Variants in IGF1R observed in about 807,000 individuals in gnomAD.
IGF1R encodes the protein insulin like growth factor 1 receptor, also known as insulin-like growth factor 1 receptor.
In IGF1R, 44 loss-of-function variants were observed where a neutral mutation model predicts 144.6. The ratio of observed to expected loss-of-function variants is 0.30; its 90% confidence interval spans 0.24 to 0.39. The LOEUF is 0.39. Among genes scored for constraint, IGF1R ranks in the 10% least tolerant of loss-of-function variants. The pLI is 1.00. For synonymous variants in IGF1R, 795 were observed against 722.8 expected, an observed-to-expected ratio of 1.10 and a Z score of -1.60; for missense variants, 1,355 against 1,833.7, an observed-to-expected ratio of 0.74 and a Z score of 4.77.
At chr15:98,841,416 A>G (rs1280139335) in intron 2 of IGF1R, among the ~76,000 whole-genome samples, 2 of 152,218 alleles carry the variant, frequency 1.3e-5, no homozygotes, top group African/African-American at 4.8e-5. Context: ...TACTATACGT[A>G]AAGTTTTTAG....
In IGF1R at chr15:98,963,835, G is replaced by T. The variant is rs1236859887; in HGVS notation, c.*6393G>T. ...AAAACTATAACATACACAAAAATTGGTTTTAAAGTTGACTCCACTTCCTCT... is the reference window on the plus strand; with the variant it reads ...AAAACTATAACATACACAAAAATTGTTTTTAAAGTTGACTCCACTTCCTCT... On this transcript the variant is annotated 3_prime_UTR_variant, in exon 21 of 21. Transcript: ENST00000650285. The T allele has an allele frequency of 4.3e-6, 1 of 232,984 alleles. No homozygotes were observed. Among genetic ancestry groups the T allele is most frequent in the African/African-American group, 2.2e-5 (1 of 45,340 alleles). The allele number at this position is 232,984 out of a possible 1,614,324, so 14.4% of individuals were successfully genotyped here. A position where few individuals can be genotyped will look rare whatever the true frequency, so the allele number is the denominator to read the frequency against.
chr15:98,662,608 A>G (rs545943047), intron 1 of IGF1R, among the ~76,000 whole-genome samples: 11 of 152,204 alleles, frequency 7.2e-5, no homozygotes, highest in Admixed American at 2.6e-4. Flanking sequence ...TAGTTGGGAA[A>G]ACTCAACTAC....
In IGF1R at chr15:98,875,149, CG is replaced by C. The variant is rs199659167; in HGVS notation, c.641-16173del. Among the ~76,000 whole-genome samples, 1,404 of 151,962 alleles carry C rather than the reference CG, an allele frequency of 9.2e-3. 37 individuals carry two copies. The highest frequency in any genetic ancestry group is 6.5e-3 in the Non-Finnish European group (444 of 67,998). ...CCGGGACGAGGATGCTCCGGGATTT[CG>C]GGAGACAGCAGTTGTTTTGACATGA... On this transcript the variant is annotated intron_variant, in intron 2 of 20. Transcript: ENST00000650285.
At chr15:98,924,472 C>T in intron 12 of IGF1R, 53 bp from the exon 13 acceptor site, 1 of 1,584,682 alleles carries the variant, frequency 6.3e-7, no homozygotes, top group Non-Finnish European at 8.7e-7. Context: ...TTGGCAGGCC[C>T]CAGATTTCTC....
In IGF1R at chr15:98,963,681, C is replaced by T. The variant is rs922407358; in HGVS notation, c.*6239C>T. 3.4e-5 allele frequency: 8 copies of T among 233,194 alleles called. No homozygotes were observed. The Admixed American group carries it at 4.5e-4, about 13-fold the overall frequency. 14.4% of individuals were successfully genotyped at this position (233,194 alleles called of 1,614,324 possible). On this transcript the variant is annotated 3_prime_UTR_variant, in exon 21 of 21. Coordinates refer to ENST00000650285, the MANE Select transcript of IGF1R (RefSeq NM_000875.5). ...TAAACGATGACAGCTATGGGGCACA[C>T]AGGCCATTTGCTTACATGCCTCGTA...
chr15:98,930,605 A>G (rs905073084), intron 15 of IGF1R, among the ~76,000 whole-genome samples: 3 of 152,232 alleles, frequency 2.0e-5, no homozygotes, highest in Non-Finnish European at 4.4e-5. Flanking sequence ...ATGTTATGCT[A>G]GAATGAAAAC....
intron 6 of IGF1R, among the ~76,000 whole-genome samples, chr15:98,910,656 A>G (rs1357875092): frequency 6.6e-6 from 1 of 152,250 alleles, no homozygotes; most frequent in Non-Finnish European, 1.5e-5. Context: ...CTTCCCTGCC[A>G]TACCCGCCAG....
chr15:98,787,314 G>A (rs1596304795), intron 2 of IGF1R, among the ~76,000 whole-genome samples: 1 of 152,188 alleles, frequency 6.6e-6, no homozygotes, highest in East Asian at 1.9e-4. Flanking sequence ...TGGATAGAAA[G>A]TGCCCCCATA....
Position 98,649,644 on chromosome 15 carries a change from C to G in IGF1R, c.63C>G (p.Ala21=). 1.2e-6 allele frequency: 2 copies of G among 1,610,576 alleles called. No individual in the cohort carries two copies. The highest frequency in any genetic ancestry group is 1.7e-6 in the Non-Finnish European group (2 of 1,178,838). ...TGTGGGGGCTCCTGTTTCTCTCCGCCGCGCTCTCGCTCTGGCCGACGAGTG... is the reference window on the plus strand; with the variant it reads ...TGTGGGGGCTCCTGTTTCTCTCCGCGGCGCTCTCGCTCTGGCCGACGAGTG... The part of the protein sequence containing the change: ...TSLWGLLFLS[A]ALSLWPTSGE... The change falls in exon 1 of 21, where the codon GCC becomes GCG. Residue 21 remains alanine, a synonymous_variant. Transcript: ENST00000650285.
intron 2 of IGF1R, among the ~76,000 whole-genome samples, chr15:98,743,217 A>G (rs922985561): frequency 1.3e-5 from 2 of 152,214 alleles, no homozygotes; most frequent in Non-Finnish European, 2.9e-5. Flanking sequence ...TTAAAAAACA[A>G]TTTGTTGTGG....
At chr15:98,686,546 GTTTATT>G (rs2053332959) in intron 1 of IGF1R, among the ~76,000 whole-genome samples, 2 of 151,944 alleles carry the variant, frequency 1.3e-5, no homozygotes, top group Non-Finnish European at 2.9e-5. Flanking sequence ...TCTTGCCAAC[GTTTATT>G]TTTATTTATT....
In IGF1R at chr15:98,962,984, A is replaced by G. The variant is rs1250682049; in HGVS notation, c.*5542A>G. ...TGTGTGTGTCCGCATCTTTCTGGTC[A>G]ACATTGTTTTAACTAGTCACTCATT... is the stretch of plus-strand genomic sequence containing the variant. On this transcript the variant is annotated 3_prime_UTR_variant, in exon 21 of 21. Coordinates refer to ENST00000650285, the MANE Select transcript of IGF1R (RefSeq NM_000875.5). 1 of 233,622 alleles carries G rather than the reference A, an allele frequency of 4.3e-6. No homozygotes were observed. Among genetic ancestry groups the G allele is most frequent in the African/African-American group, 2.2e-5 (1 of 45,346 alleles). The allele number at this position is 233,622 out of a possible 1,614,324, so 14.5% of individuals were successfully genotyped here.
At chr15:98,703,802 G>T (rs1171610507) in intron 1 of IGF1R, among the ~76,000 whole-genome samples, 1 of 152,198 alleles carries the variant, frequency 6.6e-6, no homozygotes, top group South Asian at 2.1e-4. Flanking sequence ...AGTTCAACTT[G>T]CTTCAGTCTT....
At chr15:98,789,650 G>A (rs1404349913) in intron 2 of IGF1R, among the ~76,000 whole-genome samples, 1 of 152,178 alleles carries the variant, frequency 6.6e-6, no homozygotes, top group African/African-American at 2.4e-5. Flanking sequence ...GGGCCACGCA[G>A]CTTTTTCTTT....
intron 1 of IGF1R, among the ~76,000 whole-genome samples, chr15:98,686,670 A>AT (rs201014820): frequency 0.2 from 29,535 of 145,554 alleles, 3,054 homozygotes; most frequent in Non-Finnish European, 0.23. Context: ...GAAGTATTTA[A>AT]TTTTTTTTTT....
intron 10 of IGF1R, among the ~76,000 whole-genome samples, chr15:98,921,655 A>G (rs2015493181): frequency 6.6e-6 from 1 of 152,134 alleles, no homozygotes; most frequent in African/African-American, 2.4e-5. Context: ...TTATTTCCAC[A>G]GTCAGAGCAA....
At chr15:98,690,229 G>C (rs1319092125) in intron 1 of IGF1R, among the ~76,000 whole-genome samples, 1 of 152,174 alleles carries the variant, frequency 6.6e-6, no homozygotes, top group African/African-American at 2.4e-5. Flanking sequence ...TGTAGTCCCA[G>C]CTACTCAGGA....
Position 98,960,304 on chromosome 15 carries a change from T to A in IGF1R, c.*2862T>A, listed in dbSNP as rs918816565. On this transcript the variant is annotated 3_prime_UTR_variant, in exon 21 of 21. Transcript: ENST00000650285. ...CTGTTTTGTGTTGCTTTTTTTGTTT[T>A]GTTTTCTATCTTGGTTTCCACCAAG... 1 of 233,112 alleles carries A rather than the reference T, an allele frequency of 4.3e-6. No individual in the cohort carries two copies. Among genetic ancestry groups the A allele is most frequent in the Non-Finnish European group, 8.5e-6 (1 of 118,008 alleles). 14.4% of individuals were successfully genotyped at this position (233,112 alleles called of 1,614,324 possible).
At chr15:98,925,028 A>G (rs927665692) in intron 13 of IGF1R, among the ~76,000 whole-genome samples, 1 of 152,122 alleles carries the variant, frequency 6.6e-6, no homozygotes, top group Non-Finnish European at 1.5e-5. Flanking sequence ...GACATTTTAT[A>G]AAGCATTGAA....
Sources: allele counts gnomAD v4.1 joint callset (sites outside exome capture counted in the v4.1 genomes callset), GRCh38; gene constraint gnomAD v4.1.1; transcripts MANE v1.5; gene names NCBI Gene and HGNC (gene_info 2026-07-23, HGNC 2026-07-21).